GPR160: variants seen among roughly 807,000 people sequenced by gnomAD.
The protein encoded by GPR160 is probable G protein-coupled receptor 160.
GPR160 carries 2 observed loss-of-function variants against 2.6 expected under a neutral mutation model. That is an observed-to-expected ratio of 0.77 (90% CI 0.32 to 2.44). The LOEUF (loss-of-function observed/expected upper bound fraction) is 2.44. GPR160 is among the 30% of genes most tolerant of loss of function. The probability of loss-of-function intolerance (pLI) is 0.11; values close to 1 mark genes in which losing one functional copy is unlikely to be tolerated. For synonymous variants in GPR160, 130 were observed against 132.2 expected, an observed-to-expected ratio of 0.98 and a Z score of 0.12; for missense variants, 351 against 383.6, an observed-to-expected ratio of 0.91 and a Z score of 0.71.
chr3:170,071,864 TG>T (rs1712612406), intron 2 of GPR160, among the ~76,000 whole-genome samples: 1 of 152,128 alleles, frequency 6.6e-6, no homozygotes. Context: ...AACAGAAGAA[TG>T]GCCTAACATA....
chr3:170,072,717 G>A (rs972104395), intron 2 of GPR160, among the ~76,000 whole-genome samples: 16 of 152,080 alleles, frequency 1.1e-4, no homozygotes, highest in African/African-American at 3.6e-4. Context: ...AAATAAGAGT[G>A]AGGACTTACT....
In GPR160 at chr3:170,046,754, C is replaced by G. The variant is rs965342861; in HGVS notation, c.-193+7711C>G. On this transcript the variant is annotated intron_variant, in intron 2 of 3. Transcript: ENST00000355897. ...TGGTTTGATCTTTAAACTAGCAATG[C>G]AGGTTTCTGTTTGTTTACATTTGTT... Among the ~76,000 whole-genome samples, 16 of 152,182 alleles carry G rather than the reference C, an allele frequency of 1.1e-4. No individual in the cohort carries two copies. The East Asian group carries it at 3.1e-3, about 29-fold the overall frequency.
intron 2 of GPR160, among the ~76,000 whole-genome samples, chr3:170,047,772 A>T (rs1716787648): frequency 6.6e-6 from 1 of 152,076 alleles, no homozygotes. Context: ...AATACTGCTC[A>T]GCTATAAAAA....
At chr3:170,078,022 A>T (rs543276049) in intron 2 of GPR160, 59 of 152,656 alleles carry the variant, frequency 3.9e-4, no homozygotes, top group African/African-American at 1.3e-3. Flanking sequence ...CATTGGGACA[A>T]CACTTACTCA....
chr3:170,080,731 T>A (rs1303751185), intron 3 of GPR160, among the ~76,000 whole-genome samples: 1 of 152,174 alleles, frequency 6.6e-6, no homozygotes, highest in East Asian at 1.9e-4. Context: ...CGACAGAGTG[T>A]CAATCTGGCA....
At chr3:170,043,562 G>A (rs1338287753) in intron 2 of GPR160, among the ~76,000 whole-genome samples, 2 of 152,164 alleles carry the variant, frequency 1.3e-5, no homozygotes, top group Non-Finnish European at 2.9e-5. Flanking sequence ...GTAGCTAGAG[G>A]TTAATAGTTT....
chr3:170,055,168 G>A (rs1559984353), intron 2 of GPR160, among the ~76,000 whole-genome samples: 4 of 152,174 alleles, frequency 2.6e-5, no homozygotes, highest in African/African-American at 7.2e-5. Context: ...AGATGTGTAT[G>A]TTATATTTCT....
chr3:170,084,363 T>C lies in GPR160; in HGVS notation c.391T>C (p.Ser131Pro). 6.2e-7 allele frequency: 1 copy of C among 1,608,912 alleles called. No individual in the cohort carries two copies. Among genetic ancestry groups the C allele is most frequent in the Non-Finnish European group, 8.5e-7 (1 of 1,176,314 alleles). Residue 131 changes from serine to proline, a missense_variant, in exon 4 of 4, where the codon TCA becomes CCA. Coordinates refer to ENST00000355897, the MANE Select transcript of GPR160 (RefSeq NM_014373.3). ...GAATTTCTCTAAAACAACCAAGCTT[T>C]CATTTAAGTGTCAAAAATTATTTTA... ...CLNFSKTTKL[S>P]FKCQKLFYFF...
intron 2 of GPR160, among the ~76,000 whole-genome samples, chr3:170,059,545 G>T (rs4422361): frequency 3.9e-5 from 6 of 152,170 alleles, no homozygotes; most frequent in Non-Finnish European, 8.8e-5. Context: ...TTGGGAACCA[G>T]GTTCTTTTTT....
At chr3:170,050,410 ATTT>A (rs201539055) in intron 2 of GPR160, among the ~76,000 whole-genome samples, 1 of 134,440 alleles carries the variant, frequency 7.4e-6, no homozygotes, top group African/African-American at 2.7e-5. Flanking sequence ...TGCTTAGCTA[ATTT>A]TTTTTTTTTT....
chr3:170,076,713 T>G (rs1012726684), intron 2 of GPR160, among the ~76,000 whole-genome samples: 1 of 152,016 alleles, frequency 6.6e-6, no homozygotes, highest in Non-Finnish European at 1.5e-5. Context: ...CTGGCTAATT[T>G]TTGTATTTTT....
intron 2 of GPR160, among the ~76,000 whole-genome samples, chr3:170,075,006 A>G (rs569150341): frequency 6.6e-6 from 1 of 152,258 alleles, no homozygotes; most frequent in South Asian, 2.1e-4. Context: ...TGGGCAGATC[A>G]CTTTAAGTCA....
rs1465764874 is a variant in GPR160, at chr3:170,083,933, T to C, written c.-40T>C. ...CAGAAAATGAAGCAGTGTTTTATCA[T>C]GTGTATTTCAGCAGGTCTTCTTGAA... On this transcript the variant is annotated 5_prime_UTR_variant, in exon 4 of 4. An upstream start codon of the reference 5' UTR is lost. Coordinates refer to ENST00000355897, the MANE Select transcript of GPR160 (RefSeq NM_014373.3). 8 of 1,156,304 alleles carry C rather than the reference T, an allele frequency of 6.9e-6. No homozygotes were observed. In the South Asian group the frequency reaches 1.7e-4, roughly 24 times the overall value. The allele number at this position is 1,156,304 out of a possible 1,614,324, so 71.6% of individuals were successfully genotyped here. A position where few individuals can be genotyped will look rare whatever the true frequency, so the allele number is the denominator to read the frequency against.
chr3:170,084,234 AG>A lies in GPR160; in HGVS notation c.264del (p.Arg88SerfsTer27). On this transcript the variant is annotated frameshift_variant, in exon 4 of 4. Coordinates refer to ENST00000355897, the MANE Select transcript of GPR160 (RefSeq NM_014373.3). LOFTEE classifies it low-confidence loss of function (END_TRUNC). ...YFRDFVLLSIRFTKYHICLFT... is the reference protein window; with the variant it reads ...YFRDFVLLSIXFTKYHICLFT... ...CAGGGATTTTGTACTTTTAAGCATT[AG>A]GTTCACTAAATACCACATCTGCCTA... 1 of 1,605,886 alleles carries A rather than the reference AG, an allele frequency of 6.2e-7. No individual in the cohort carries two copies. The highest frequency in any genetic ancestry group is 1.1e-5 in the South Asian group (1 of 89,918).
intron 2 of GPR160, among the ~76,000 whole-genome samples, chr3:170,065,446 G>A (rs555283222): frequency 2.0e-5 from 3 of 152,224 alleles, no homozygotes; most frequent in East Asian, 3.9e-4. Context: ...CACCAACCTC[G>A]GAATCCTCGA....
chr3:170,059,624 CT>C (rs2108325008), intron 2 of GPR160, among the ~76,000 whole-genome samples: 1 of 152,254 alleles, frequency 6.6e-6, no homozygotes, highest in Non-Finnish European at 1.5e-5. Context: ...TGCTGGGACC[CT>C]TCCTGATCCT....
At chr3:170,075,080 TAGCC>T (rs1712785127) in intron 2 of GPR160, among the ~76,000 whole-genome samples, 1 of 151,952 alleles carries the variant, frequency 6.6e-6, no homozygotes, top group Non-Finnish European at 1.5e-5. Flanking sequence ...TAACAAAAAT[TAGCC>T]AGGCATGGTG....
Position 170,085,078 on chromosome 3 carries a change from A to T in GPR160, c.*89A>T. ...ACATATTAAAAAATAAACTGAACTAAAACAACTTTTGCCCCCTGACTGATA... is the reference window on the plus strand; with the variant it reads ...ACATATTAAAAAATAAACTGAACTATAACAACTTTTGCCCCCTGACTGATA... On this transcript the variant is annotated 3_prime_UTR_variant, in exon 4 of 4. Coordinates refer to ENST00000355897, the MANE Select transcript of GPR160 (RefSeq NM_014373.3). The T allele has an allele frequency of 1.5e-6, 1 of 674,766 alleles. No homozygotes were observed. The highest frequency in any genetic ancestry group is 2.3e-6 in the Non-Finnish European group (1 of 435,384). 41.8% of individuals were successfully genotyped at this position (674,766 alleles called of 1,614,324 possible). A position where few individuals can be genotyped will look rare whatever the true frequency, so the allele number is the denominator to read the frequency against.
intron 2 of GPR160, among the ~76,000 whole-genome samples, chr3:170,050,883 C>T (rs957688858): frequency 6.6e-6 from 1 of 152,172 alleles, no homozygotes; most frequent in Non-Finnish European, 1.5e-5. Flanking sequence ...GTTCCCAGGG[C>T]TTGGCTATTA....
Sources: gnomAD v4.1 joint callset for allele counts (sites outside exome capture counted in the v4.1 genomes callset) on GRCh38, gnomAD v4.1.1 for gene constraint, MANE v1.5 for transcripts, NCBI Gene and HGNC (gene_info 2026-07-23, HGNC 2026-07-21) for gene names.